MACROD2: variants seen among roughly 807,000 people sequenced by gnomAD.
MACROD2 encodes mono-ADP ribosylhydrolase 2.
In MACROD2, 36 loss-of-function variants were observed where a neutral mutation model predicts 70.4. The ratio of observed to expected loss-of-function variants is 0.51; its 90% CI spans 0.39 to 0.68. The LOEUF is 0.68. Among genes scored for constraint, MACROD2 ranks in the 30% least tolerant of loss-of-function variants. MACROD2 has a pLI of 0.00. For synonymous variants in MACROD2, 172 were observed against 178.8 expected, an observed-to-expected ratio of 0.96 and a Z score of 0.30; for missense variants, 496 against 538.4, an observed-to-expected ratio of 0.92 and a Z score of 0.78.
chr20:14,230,202 G>A (rs936866753), intron 3 of MACROD2, among the ~76,000 whole-genome samples: 1 of 152,068 alleles, frequency 6.6e-6, no homozygotes, highest in African/African-American at 2.4e-5. Flanking sequence ...AGGGAAGTTT[G>A]GTGTGGTTAA....
intron 8 of MACROD2, among the ~76,000 whole-genome samples, chr20:15,849,420 G>A (rs2064271261): frequency 6.6e-6 from 1 of 152,172 alleles, no homozygotes; most frequent in Admixed American, 6.6e-5. Context: ...TAATGGAAAT[G>A]TCGAGAAAAC....
chr20:14,473,121 T>G (rs1235065578), intron 3 of MACROD2, among the ~76,000 whole-genome samples: 2 of 152,234 alleles, frequency 1.3e-5, no homozygotes, highest in Non-Finnish European at 2.9e-5. Context: ...ATGATCAACC[T>G]CAAATATTTA....
At chr20:14,124,906 T>C (rs1183551738) in intron 3 of MACROD2, among the ~76,000 whole-genome samples, 1 of 152,188 alleles carries the variant, frequency 6.6e-6, no homozygotes, top group Non-Finnish European at 1.5e-5. Flanking sequence ...AACTCAAATG[T>C]TCATCTTCTG....
chr20:15,897,140 C>G (rs994862002), intron 10 of MACROD2, among the ~76,000 whole-genome samples: 2 of 152,014 alleles, frequency 1.3e-5, no homozygotes, highest in Non-Finnish European at 2.9e-5. Context: ...GTCTCTCAGG[C>G]CTTATTTGTC....
At chr20:15,774,425 CT>C (rs1313049632) in intron 8 of MACROD2, among the ~76,000 whole-genome samples, 1 of 152,094 alleles carries the variant, frequency 6.6e-6, no homozygotes, top group Non-Finnish European at 1.5e-5. Context: ...TTTTCCTGGT[CT>C]CTTTTACTTT....
In MACROD2 at chr20:14,774,519, G is replaced by C. The variant is rs938203780; in HGVS notation, c.418+89560G>C. ...GAATTAGCTTCCCCAGCAGAGCTTT[G>C]GCTGTGGATAATTTCTATCTGAATG... is the stretch of plus-strand genomic sequence containing the variant. On this transcript the variant is annotated intron_variant, in intron 5 of 17. Transcript: ENST00000684519. Among the ~76,000 whole-genome samples, 8 of 152,014 alleles carry C rather than the reference G, an allele frequency of 5.3e-5. No homozygotes were observed. In the South Asian group the frequency reaches 1.7e-3, roughly 32 times the overall value.
intron 8 of MACROD2, among the ~76,000 whole-genome samples, chr20:15,605,781 T>C (rs2048885334): frequency 6.6e-6 from 1 of 152,214 alleles, no homozygotes; most frequent in Admixed American, 6.5e-5. Context: ...CATTGTTGTC[T>C]AGAGCCTCGT....
intron 5 of MACROD2, among the ~76,000 whole-genome samples, chr20:15,218,534 A>G (rs2076830673): frequency 6.6e-6 from 1 of 152,188 alleles, no homozygotes; most frequent in South Asian, 2.1e-4. Flanking sequence ...GCTTTACTCC[A>G]TGATGTCTTA....
chr20:15,505,757 G>T (rs559614592), intron 8 of MACROD2, among the ~76,000 whole-genome samples: 5 of 152,134 alleles, frequency 3.3e-5, no homozygotes, highest in Non-Finnish European at 7.4e-5. Flanking sequence ...GAAATCACTG[G>T]CAAGGAAAAA....
At chr20:15,657,029 AGAAAG>A (rs892867060) in intron 8 of MACROD2, among the ~76,000 whole-genome samples, 1 of 152,040 alleles carries the variant, frequency 6.6e-6, no homozygotes, top group African/African-American at 2.4e-5. Flanking sequence ...CATGGAAAGA[AGAAAG>A]GAAAGGAGAA....
At chr20:14,035,937 T>C (rs946012311) in intron 2 of MACROD2, among the ~76,000 whole-genome samples, 2 of 152,114 alleles carry the variant, frequency 1.3e-5, no homozygotes, top group African/African-American at 2.4e-5. Flanking sequence ...GGTCAGGAGA[T>C]TGAGACCATC....
chr20:14,827,866 A>G (rs773619799), intron 5 of MACROD2, among the ~76,000 whole-genome samples: 18 of 152,100 alleles, frequency 1.2e-4, no homozygotes, highest in Non-Finnish European at 2.5e-4. Flanking sequence ...ATATATAACC[A>G]TTTAATTTTT....
chr20:15,211,152 G>C (rs904565295), intron 5 of MACROD2, among the ~76,000 whole-genome samples: 7 of 152,090 alleles, frequency 4.6e-5, no homozygotes, highest in African/African-American at 1.7e-4. Context: ...TGCCTCTGTG[G>C]ATTTGCCTAT....
chr20:14,190,793 C>T (rs369304987), intron 3 of MACROD2, among the ~76,000 whole-genome samples: 53 of 144,292 alleles, frequency 3.7e-4, no homozygotes, highest in African/African-American at 1.3e-3. Context: ...CTGCAAGCTC[C>T]GCCTCCCAGG....
chr20:15,133,303 C>T (rs1287299679), intron 5 of MACROD2, among the ~76,000 whole-genome samples: 2 of 151,998 alleles, frequency 1.3e-5, no homozygotes, highest in African/African-American at 2.4e-5. Flanking sequence ...TAAATATCAA[C>T]ATTAATTTTT....
chr20:15,329,142 T>G (rs1204803911), intron 6 of MACROD2, among the ~76,000 whole-genome samples: 2 of 152,190 alleles, frequency 1.3e-5, no homozygotes, highest in Admixed American at 6.5e-5. Context: ...GTGTAAAATA[T>G]TCTTCTTTAT....
chr20:15,047,199 A>C (rs1193294208), intron 5 of MACROD2, among the ~76,000 whole-genome samples: 3 of 152,196 alleles, frequency 2.0e-5, no homozygotes, highest in Non-Finnish European at 4.4e-5. Flanking sequence ...TACGTGATTG[A>C]GGTTAAGAGC....
rs139906678 is a variant in MACROD2 at position 15,576,093 on chromosome 20, A to G, written c.645+76246A>G. 2.1e-3 allele frequency among the ~76,000 whole-genome samples: 318 copies of G among 152,118 alleles called. 3 individuals carry two copies. The highest frequency in any genetic ancestry group is 6.8e-3 in the African/African-American group (284 of 41,520). On this transcript the variant is annotated intron_variant, in intron 8 of 17. Transcript: ENST00000684519. Reference sequence around the variant, plus strand: ...GGTTTAGAATATTTTAAACCTTTCAATTGTTTCCTATTTTTTTTAATTTGT... The same window carrying G: ...GGTTTAGAATATTTTAAACCTTTCAGTTGTTTCCTATTTTTTTTAATTTGT...
intron 5 of MACROD2, among the ~76,000 whole-genome samples, chr20:14,701,533 G>A (rs907901506): frequency 6.6e-6 from 1 of 152,152 alleles, no homozygotes; most frequent in Non-Finnish European, 1.5e-5. Context: ...AGATCCCTCT[G>A]CTGAATTGCA....
Sources: gnomAD v4.1 joint callset for allele counts (sites outside exome capture counted in the v4.1 genomes callset) on GRCh38, gnomAD v4.1.1 for gene constraint, MANE v1.5 for transcripts, NCBI Gene and HGNC (gene_info 2026-07-23, HGNC 2026-07-21) for gene names.